The following NCAM2 variants were observed in gnomAD, a reference collection of about 807,000 sequenced individuals.
The protein encoded by NCAM2 is neural cell adhesion molecule 2.
Under a neutral mutation model 98.1 loss-of-function variants are expected in NCAM2, and 30 were observed. The observed-to-expected ratio is 0.31, with a 90% CI of 0.23 to 0.41. The LOEUF (loss-of-function observed/expected upper bound fraction) is 0.41. Among genes scored for constraint, NCAM2 ranks in the 10% least tolerant of loss-of-function variants. The pLI is 1.00. For missense variants in NCAM2, 867 were observed against 1,005.8 expected (o/e 0.86, Z 1.87); for synonymous variants, 368 against 342.4 (o/e 1.07, Z -0.83).
chr21:21,397,017 C>T (rs2076523289), intron 9 of NCAM2, among the ~76,000 whole-genome samples: 1 of 152,186 alleles, frequency 6.6e-6, no homozygotes, highest in African/African-American at 2.4e-5. Context: ...GGTATGCAGA[C>T]AAGTGGTGGG....
At chr21:21,472,892 A>C (rs1984627296) in intron 14 of NCAM2, among the ~76,000 whole-genome samples, 1 of 151,728 alleles carries the variant, frequency 6.6e-6, no homozygotes, top group African/African-American at 2.4e-5. Flanking sequence ...ATCATGGAAA[A>C]AGAGATTTAA....
At chr21:21,049,027 T>C (rs1484903470) in intron 1 of NCAM2, among the ~76,000 whole-genome samples, 3 of 148,420 alleles carry the variant, frequency 2.0e-5, no homozygotes, top group Admixed American at 1.3e-4. Flanking sequence ...TTTTTTTTTT[T>C]TTGAGACGGA....
intron 1 of NCAM2, among the ~76,000 whole-genome samples, chr21:21,078,321 C>T (rs995345494): frequency 6.6e-6 from 1 of 152,082 alleles, no homozygotes; most frequent in Admixed American, 6.5e-5. Flanking sequence ...AATTATCTTG[C>T]CATCCTGCTT....
intron 1 of NCAM2, among the ~76,000 whole-genome samples, chr21:21,168,036 CAT>C (rs1777715305): frequency 6.6e-6 from 1 of 152,050 alleles, no homozygotes; most frequent in African/African-American, 2.4e-5. Context: ...AGCGCATAAA[CAT>C]AGACGCAAAA....
At chr21:21,024,056 G>A (rs9983588) in intron 1 of NCAM2, among the ~76,000 whole-genome samples, 95,223 of 151,966 alleles carry the variant, frequency 0.63, 30,112 homozygotes, top group East Asian at 0.82. Flanking sequence ...TCCAAGCATC[G>A]GTAATAATAC....
At chr21:21,027,666 C>T (rs1423749029) in intron 1 of NCAM2, among the ~76,000 whole-genome samples, 1 of 152,168 alleles carries the variant, frequency 6.6e-6, no homozygotes, top group Non-Finnish European at 1.5e-5. Context: ...GGGCTTAACA[C>T]CTACAGGGAG....
At chr21:21,124,941 G>A (rs1030989192) in intron 1 of NCAM2, among the ~76,000 whole-genome samples, 2 of 152,108 alleles carry the variant, frequency 1.3e-5, no homozygotes, top group African/African-American at 4.8e-5. Context: ...TTTGTAAGCT[G>A]ATTGTTAAAC....
At chr21:21,215,728 CA>C (rs1246609525) in intron 1 of NCAM2, among the ~76,000 whole-genome samples, 5 of 124,804 alleles carry the variant, frequency 4.0e-5, no homozygotes, top group Non-Finnish European at 9.4e-5. Context: ...GATTCCATTT[CA>C]AAAAAATAAA....
chr21:21,477,495 T>C (rs778464485), intron 15 of NCAM2, 24 bp downstream of exon 15: 2 of 1,533,070 alleles, frequency 1.3e-6, no homozygotes, highest in South Asian at 2.5e-5. Context: ...TATTCTTTTT[T>C]AGACTGAACA....
At chr21:21,130,645 C>CA (rs2066915132) in intron 1 of NCAM2, among the ~76,000 whole-genome samples, 1 of 152,028 alleles carries the variant, frequency 6.6e-6, no homozygotes, top group African/African-American at 2.4e-5. Flanking sequence ...TTTAAAACAT[C>CA]TTTGCCAAAT....
chr21:21,044,585 C>T (rs927431055), intron 1 of NCAM2, among the ~76,000 whole-genome samples: 5 of 151,862 alleles, frequency 3.3e-5, no homozygotes, highest in African/African-American at 9.7e-5. Context: ...ATATTAAAAC[C>T]AAATAAAAAT....
chr21:21,328,210 T>C (rs1175004780), intron 6 of NCAM2, among the ~76,000 whole-genome samples: 1 of 152,172 alleles, frequency 6.6e-6, no homozygotes, highest in East Asian at 1.9e-4. Context: ...GCTCAACATA[T>C]TACTCATGAG....
chr21:21,010,826 A>G lies in NCAM2; in HGVS notation c.55+12208A>G, dbSNP rs1272720074. Among the ~76,000 whole-genome samples the G allele has an allele frequency of 2.6e-5, 4 of 152,098 alleles. No homozygotes were observed. The East Asian group carries it at 7.7e-4, about 29-fold the overall frequency. On this transcript the variant is annotated intron_variant, in intron 1 of 17. Transcript: ENST00000400546. ...GTGTCATTACTAATTAGAACTCCGA[A>G]ACACATTCTAACCTCCCAGTAGAAA...
rs2068344540 is a variant in NCAM2 at position 21,177,828 on chromosome 21, C to T, written c.56-102750C>T. On this transcript the variant is annotated intron_variant, in intron 1 of 17. Coordinates refer to ENST00000400546, the MANE Select transcript of NCAM2 (RefSeq NM_004540.5). ...TTCCTTTCTTCCTTCCAACAATGAA[C>T]TGGACACTTTCCTCTCAATGAAATG... is the stretch of plus-strand genomic sequence containing the variant. Among the ~76,000 whole-genome samples the T allele has an allele frequency of 2.0e-5, 3 of 151,244 alleles. No individual in the cohort carries two copies. In the Admixed American group the frequency reaches 2.0e-4, roughly 10 times the overall value.
intron 15 of NCAM2, among the ~76,000 whole-genome samples, chr21:21,499,623 T>TA (rs950337974): frequency 9.9e-5 from 15 of 151,336 alleles, no homozygotes; most frequent in Middle Eastern, 3.4e-3. Flanking sequence ...AGTTCTAGTT[T>TA]AAAAAAAAAT....
chr21:21,190,485 T>G lies in NCAM2; in HGVS notation c.56-90093T>G, dbSNP rs548628735. 3.3e-5 allele frequency among the ~76,000 whole-genome samples: 5 copies of G among 152,340 alleles called. 1 individual carries two copies. In the South Asian group the frequency reaches 1.0e-3, roughly 32 times the overall value. Reference sequence around the variant, plus strand: ...TGTGGCAATAGGATAAAAATAAATTTGCTCTTCTGGTTCGACTCTGAGTCT... The same window carrying G: ...TGTGGCAATAGGATAAAAATAAATTGGCTCTTCTGGTTCGACTCTGAGTCT... On this transcript the variant is annotated intron_variant, in intron 1 of 17. Coordinates refer to ENST00000400546, the MANE Select transcript of NCAM2 (RefSeq NM_004540.5).
intron 1 of NCAM2, among the ~76,000 whole-genome samples, chr21:21,263,264 A>AAAAAT (rs1272581828): frequency 2.0e-4 from 30 of 152,088 alleles, no homozygotes; most frequent in African/African-American, 5.3e-4. Context: ...AACTGCCACA[A>AAAAAT]AAAATAAAAT....
intron 1 of NCAM2, among the ~76,000 whole-genome samples, chr21:21,087,414 G>C (rs1023142217): frequency 6.6e-6 from 1 of 152,016 alleles, no homozygotes; most frequent in Non-Finnish European, 1.5e-5. Context: ...ATCTACTGTC[G>C]CTGCTCCCCT....
chr21:21,286,100 G>A (rs751587968), intron 3 of NCAM2, among the ~76,000 whole-genome samples, 169 bp from the exon 4 acceptor site: 1 of 151,940 alleles, frequency 6.6e-6, no homozygotes, highest in Non-Finnish European at 1.5e-5. Flanking sequence ...AGTGAGATAG[G>A]AAGGTATTAG....
Sources: gnomAD v4.1 joint callset for allele counts (sites outside exome capture counted in the v4.1 genomes callset) on GRCh38, gnomAD v4.1.1 for gene constraint, MANE v1.5 for transcripts, NCBI Gene and HGNC (gene_info 2026-07-23, HGNC 2026-07-21) for gene names.